Variants in CNTN5 observed in about 807,000 individuals in gnomAD.
CNTN5 encodes contactin 5, also known as contactin-5.
CNTN5 carries 77 observed loss-of-function variants against 129.1 expected under a neutral mutation model. The observed-to-expected ratio is 0.60, with a 90% CI of 0.50 to 0.72. The LOEUF is 0.72. Among genes scored for constraint, CNTN5 ranks in the 30% least tolerant of loss-of-function variants. The pLI is 0.00. For synonymous variants in CNTN5, 509 were observed against 465.6 expected (o/e 1.09, Z -1.20); for missense variants, 1,478 against 1,328.8 (o/e 1.11, Z -1.75).
intron 2 of CNTN5, among the ~76,000 whole-genome samples, chr11:99,482,723 T>C (rs1045278354): frequency 6.6e-6 from 1 of 152,134 alleles, no homozygotes; most frequent in Non-Finnish European, 1.5e-5. Context: ...TAGAAGAACT[T>C]GGGTATGGCA....
intron 2 of CNTN5, among the ~76,000 whole-genome samples, chr11:99,518,052 A>T (rs1947127161): frequency 6.6e-6 from 1 of 152,104 alleles, no homozygotes; most frequent in African/African-American, 2.4e-5. Flanking sequence ...GGGTATCCAA[A>T]CAGTTATCAG....
intron 8 of CNTN5, among the ~76,000 whole-genome samples, chr11:99,958,345 C>A (rs1447374173): frequency 6.6e-6 from 1 of 152,154 alleles, no homozygotes; most frequent in Non-Finnish European, 1.5e-5. Flanking sequence ...GGCTAGCATA[C>A]ACAAATATTT....
intron 1 of CNTN5, among the ~76,000 whole-genome samples, chr11:99,101,872 G>A (rs983020752): frequency 2.0e-5 from 3 of 152,196 alleles, no homozygotes; most frequent in African/African-American, 7.2e-5. Context: ...ATGAGGCAGT[G>A]CCCCAGTAGG....
chr11:100,152,200 C>G (rs1480599327), intron 13 of CNTN5, among the ~76,000 whole-genome samples: 1 of 152,140 alleles, frequency 6.6e-6, no homozygotes, highest in African/African-American at 2.4e-5. Flanking sequence ...ACCCCAAAGG[C>G]TTCTTCCACT....
chr11:99,422,612 G>A (rs1942952735), intron 2 of CNTN5, among the ~76,000 whole-genome samples: 1 of 147,752 alleles, frequency 6.8e-6, no homozygotes, highest in Non-Finnish European at 1.5e-5. Context: ...ACAACGTGCA[G>A]GTTTGTTACG....
At chr11:100,158,331 T>C (rs1195373980) in intron 13 of CNTN5, among the ~76,000 whole-genome samples, 2 of 150,776 alleles carry the variant, frequency 1.3e-5, no homozygotes, top group African/African-American at 2.5e-5. Context: ...GGATAGTGAC[T>C]GTAATTAATA....
intron 6 of CNTN5, among the ~76,000 whole-genome samples, chr11:99,867,663 T>C (rs1948391580): frequency 6.6e-6 from 1 of 152,178 alleles, no homozygotes; most frequent in South Asian, 2.1e-4. Flanking sequence ...CTCCCCCTTC[T>C]ACTTTTGAGG....
intron 7 of CNTN5, among the ~76,000 whole-genome samples, chr11:99,930,080 T>G (rs1416360200): frequency 6.6e-6 from 1 of 152,136 alleles, no homozygotes; most frequent in Non-Finnish European, 1.5e-5. Flanking sequence ...GGATGTTGGC[T>G]AATCGCAGTA....
chr11:99,171,805 TA>T, intron 1 of CNTN5, among the ~76,000 whole-genome samples: 1 of 152,324 alleles, frequency 6.6e-6, no homozygotes, highest in Non-Finnish European at 1.5e-5. Context: ...AAAGTATTAA[TA>T]ATCAATAATT....
intron 3 of CNTN5, among the ~76,000 whole-genome samples, chr11:99,813,688 A>C (rs562589968): frequency 1.3e-5 from 2 of 152,262 alleles, no homozygotes; most frequent in East Asian, 3.9e-4. Context: ...GGAGACAAAG[A>C]ACTAGAAAAG....
intron 13 of CNTN5, among the ~76,000 whole-genome samples, chr11:100,085,289 A>G (rs1944505699): frequency 1.3e-5 from 2 of 152,178 alleles, no homozygotes; most frequent in East Asian, 1.9e-4. Context: ...AGAAAAATTC[A>G]GAGAAAACCT....
At chr11:99,390,825 A>C (rs979370124) in intron 2 of CNTN5, among the ~76,000 whole-genome samples, 12 of 152,254 alleles carry the variant, frequency 7.9e-5, no homozygotes, top group African/African-American at 2.4e-4. Context: ...TGTTATTTTA[A>C]TGATACTAAC....
chr11:99,653,618 A>C (rs887665107), intron 3 of CNTN5, among the ~76,000 whole-genome samples: 2 of 152,106 alleles, frequency 1.3e-5, no homozygotes, highest in African/African-American at 4.8e-5. Context: ...CAAGAAAGAA[A>C]TGTAAATTGG....
chr11:99,487,341 C>A (rs1389307516), intron 2 of CNTN5, among the ~76,000 whole-genome samples: 1 of 152,152 alleles, frequency 6.6e-6, no homozygotes, highest in Non-Finnish European at 1.5e-5. Context: ...TCCTAGGAAC[C>A]ATGCTTTTTT....
intron 1 of CNTN5, among the ~76,000 whole-genome samples, chr11:99,163,190 T>C (rs1203909918): frequency 6.6e-6 from 1 of 152,184 alleles, no homozygotes; most frequent in Non-Finnish European, 1.5e-5. Context: ...TAAAATGTTT[T>C]CTGATTATTG....
At chr11:100,238,374 T>A (rs1462604948) in intron 16 of CNTN5, among the ~76,000 whole-genome samples, 2 of 130,202 alleles carry the variant, frequency 1.5e-5, no homozygotes, top group Non-Finnish European at 3.1e-5. Context: ...AGGCAAGTCA[T>A]CCTACCTCTT....
chr11:99,744,649 G>A (rs936086376), intron 3 of CNTN5, among the ~76,000 whole-genome samples: 1 of 147,872 alleles, frequency 6.8e-6, no homozygotes, highest in Admixed American at 6.8e-5. Context: ...GAGCCCAGGA[G>A]GTCTAGACTG....
intron 13 of CNTN5, among the ~76,000 whole-genome samples, chr11:100,111,276 G>A (rs2138116513): frequency 6.6e-6 from 1 of 152,160 alleles, no homozygotes; most frequent in East Asian, 1.9e-4. Flanking sequence ...TTTTGTTTCA[G>A]TTAAATTCTC....
chr11:100,283,666 C>G (rs963584796), intron 18 of CNTN5, among the ~76,000 whole-genome samples: 2 of 152,166 alleles, frequency 1.3e-5, no homozygotes, highest in Non-Finnish European at 2.9e-5. Context: ...TCCCTCCGGG[C>G]CGGGCGCTGT....
Sources: allele counts gnomAD v4.1 joint callset (sites outside exome capture counted in the v4.1 genomes callset), GRCh38; gene constraint gnomAD v4.1.1; transcripts MANE v1.5; gene names NCBI Gene and HGNC (gene_info 2026-07-23, HGNC 2026-07-21).